Variants in NCSTN observed in about 807,000 individuals in gnomAD.
NCSTN encodes the protein anterior pharynx-defective 2.
In NCSTN, 22 loss-of-function variants were observed where a neutral mutation model predicts 87.0. The ratio of observed to expected loss-of-function variants is 0.25; its 90% CI spans 0.18 to 0.36. The LOEUF (loss-of-function observed/expected upper bound fraction) is 0.36, where lower values mean the gene tolerates loss of function less well. Among genes scored for constraint, NCSTN ranks in the 10% least tolerant of loss-of-function variants. The pLI, the probability that NCSTN is intolerant of heterozygous loss-of-function variation, is 1.00. For synonymous variants in NCSTN, 306 were observed against 327.1 expected, an observed-to-expected ratio of 0.94 and a Z score of 0.69; for missense variants, 693 against 883.3, an observed-to-expected ratio of 0.78 and a Z score of 2.73.
In NCSTN at chr1:160,351,361, G is replaced by T. The variant is rs1202988106; in HGVS notation, c.722G>T (p.Ser241Ile). The change falls in exon 6 of 17, where the codon AGC (serine) becomes ATC (isoleucine). Residue 241 changes from serine (S) to isoleucine (I), a missense_variant. This residue lies in a region of NCSTN where 134 missense variants were observed against 226.0 expected (regional missense o/e 0.59). Transcript: ENST00000294785. ...MRRSSIQSTF[S>I]INPEIVCDPL... ...CGCAGCTCCATCCAAAGCACCTTCA[G>T]CATCAACCCAGGTAGGGCAGATCCG... The T allele has an allele frequency of 3.7e-6, 6 of 1,614,198 alleles. No homozygotes were observed. Among genetic ancestry groups the T allele is most frequent in the Non-Finnish European group, 5.1e-6 (6 of 1,180,034 alleles).
chr1:160,358,065 C>T, intron 16 of NCSTN, 84 bp from the exon 17 acceptor site: 1 of 1,593,150 alleles, frequency 6.3e-7, no homozygotes, highest in Non-Finnish European at 8.6e-7. Context: ...ATTCCCATGG[C>T]TCCAAACCCC....
intron 1 of NCSTN, chr1:160,344,493 C>T (rs1387215971): frequency 6.5e-7 from 1 of 1,541,176 alleles, no homozygotes; most frequent in African/African-American, 1.4e-5. Flanking sequence ...GTCAATGGCG[C>T]TACATGGACT....
chr1:160,351,117 T>C, intron 5 of NCSTN, 105 bp from the exon 6 acceptor site: 2 of 1,159,444 alleles, frequency 1.7e-6, no homozygotes, highest in Non-Finnish European at 1.3e-6. Context: ...CCGAAAAGGG[T>C]GTGGCTCCAT....
At chr1:160,346,603 T>C (rs1648504262) in intron 2 of NCSTN, among the ~76,000 whole-genome samples, 1 of 151,922 alleles carries the variant, frequency 6.6e-6, no homozygotes, top group African/African-American at 2.4e-5. Context: ...TTGTTGTACT[T>C]AGTTTCTTTT....
At chr1:160,352,569 C>G (rs1189092757) in intron 8 of NCSTN, among the ~76,000 whole-genome samples, 1 of 152,224 alleles carries the variant, frequency 6.6e-6, no homozygotes, top group African/African-American at 2.4e-5. Context: ...AATAAGGGAA[C>G]AGCATCTGTG....
At chr1:160,346,796 G>A (rs993593765) in intron 2 of NCSTN, among the ~76,000 whole-genome samples, 12 of 151,960 alleles carry the variant, frequency 7.9e-5, no homozygotes, top group Non-Finnish European at 2.9e-5. Flanking sequence ...TAGTAGAGGC[G>A]GGGCTTCACC....
At chr1:160,343,966 T>TTTTTTC (rs1648286471) in intron 1 of NCSTN, 2 of 273,182 alleles carry the variant, frequency 7.3e-6, no homozygotes, top group Admixed American at 1.1e-4. Context: ...TTTTTTTTTT[T>TTTTTTC]TTTTTTTTTT....
At chr1:160,353,592 G>T in intron 10 of NCSTN, 1 of 1,213,684 alleles carries the variant, frequency 8.2e-7, no homozygotes, top group Non-Finnish European at 1.0e-6. Context: ...CACACTCGCT[G>T]CCCAACTTGT....
At chr1:160,346,734 T>G (rs1648512630) in intron 2 of NCSTN, among the ~76,000 whole-genome samples, 1 of 152,192 alleles carries the variant, frequency 6.6e-6, no homozygotes. Context: ...GCTTCTTGAA[T>G]AGCTGGGATT....
At position 160,351,126 on chromosome 1, in the gene NCSTN, A is replaced by C. The variant is rs2101901422; in HGVS notation, c.583-96A>C. ...ATGTCTCCGAAAAGGGTGTGGCTCCATCCCAAAAGGATGGAACTGGGCCCT... is the reference window on the plus strand; with the variant it reads ...ATGTCTCCGAAAAGGGTGTGGCTCCCTCCCAAAAGGATGGAACTGGGCCCT... On this transcript the variant is annotated intron_variant, in intron 5 of 16. Transcript: ENST00000294785. 5.3e-6 allele frequency: 7 copies of C among 1,315,416 alleles called. No homozygotes were observed. The South Asian group carries it at 7.2e-5, about 13-fold the overall frequency. The allele number at this position is 1,315,416 out of a possible 1,614,324, so 81.5% of individuals were successfully genotyped here.
At chr1:160,351,514 C>A (rs762654585) in intron 6 of NCSTN, 142 bp downstream of exon 6, 255 of 1,344,538 alleles carry the variant, frequency 1.9e-4, no homozygotes, top group Non-Finnish European at 2.4e-4. Flanking sequence ...AGAAACAATT[C>A]TGAAAAATTT....
Position 160,344,457 on chromosome 1 carries a change from C to T in NCSTN, c.86-265C>T. ...TAAGGTCAAACACCTTTCCTTTGAC[C>T]AAGTTTTCTCTCTTTTAGTGTCACT... On this transcript the variant is annotated intron_variant, in intron 1 of 16. Transcript: ENST00000294785. The T allele has an allele frequency of 4.7e-6, 7 of 1,489,522 alleles. No homozygotes were observed. In the South Asian group the frequency reaches 9.7e-5, roughly 21 times the overall value. 92.3% of individuals were successfully genotyped at this position (1,489,522 alleles called of 1,614,324 possible). A position where few individuals can be genotyped will look rare whatever the true frequency, so the allele number is the denominator to read the frequency against.
At position 160,357,142 on chromosome 1, in the gene NCSTN, T is replaced by G. The variant is rs373122108; in HGVS notation, c.1896T>G (p.Ser632=). The G allele has an allele frequency of 6.2e-7, 1 of 1,614,140 alleles. No homozygotes were observed. The highest frequency in any genetic ancestry group is 1.3e-5 in the African/African-American group (1 of 75,024). The change falls in exon 16 of 17, where the codon TCT becomes TCG. Residue 632 remains serine (S), a synonymous_variant. Coordinates refer to ENST00000294785, the MANE Select transcript of NCSTN (RefSeq NM_015331.3). The stretch of plus-strand genomic sequence containing the variant: ...CTGCACGATTAGCCAGGGCCTTGTC[T>G]CCTGCCTTTGAACTGAGTCAGTGGA... The part of the protein sequence containing the change: ...RSTARLARAL[S]PAFELSQWSS...
chr1:160,358,161 A>G lies in NCSTN; in HGVS notation c.2020A>G (p.Thr674Ala). The change falls in exon 17 of 17, where the codon ACA becomes GCA. Residue 674 changes from threonine (T) to alanine (A), a missense_variant. By Grantham distance (58) the Thr-to-Ala change is moderately conservative (BLOSUM62 0). This residue lies in a region of NCSTN where 216 missense variants were observed against 311.7 expected (regional missense o/e 0.69). Transcript: ENST00000294785. ...CCTCCCCCTGCAGTTGATCACCCTG[A>G]CAGTGGGCTTCGGCATCCTCATCTT... is the stretch of plus-strand genomic sequence containing the variant. ...ASKELELITL[T>A]VGFGILIFSL... The G allele has an allele frequency of 6.2e-7, 1 of 1,614,058 alleles. No homozygotes were observed. Among genetic ancestry groups the G allele is most frequent in the South Asian group, 1.1e-5 (1 of 91,074 alleles).
chr1:160,352,470 CCTTTTA>C (rs1648908732), intron 8 of NCSTN, among the ~76,000 whole-genome samples: 2 of 152,302 alleles, frequency 1.3e-5, no homozygotes, highest in South Asian at 2.1e-4. Context: ...TTGGAGGCGG[CCTTTTA>C]CTTTTATTCT....
intron 10 of NCSTN, 151 bp from the exon 11 acceptor site, chr1:160,353,967 G>A (rs1649003228): frequency 1.1e-6 from 1 of 903,502 alleles, no homozygotes; most frequent in Admixed American, 2.6e-5. Context: ...GAGAGCCTTG[G>A]TCCCAAAAGG....
chr1:160,352,724 T>C lies in NCSTN; in HGVS notation c.997-163T>C, dbSNP rs545936672. ...ATGAGGGATAGTCACAGCTGGGAGG[T>C]GGGGCCAAGAGAAGCCGAAAGTCAC... On this transcript the variant is annotated intron_variant, in intron 8 of 16. Transcript: ENST00000294785. Among the ~76,000 whole-genome samples the C allele has an allele frequency of 2.6e-5, 4 of 152,054 alleles. No individual in the cohort carries two copies. In the East Asian group the frequency reaches 7.7e-4, roughly 29 times the overall value.
At chr1:160,352,300 C>A in intron 8 of NCSTN, 94 bp downstream of exon 8, 1 of 1,504,172 alleles carries the variant, frequency 6.6e-7, no homozygotes, top group Non-Finnish European at 9.2e-7. Context: ...CAGCACTTGA[C>A]CTAAGTTGTT....
chr1:160,358,938 G>GTTTC lies in NCSTN; in HGVS notation c.*667_*668insTTTC, dbSNP rs1341720229. ...ATATATAATGAGTTTCATTAAAATA[G>GTTTC]ATTATCCCACACGACTTGTACTGCT... On this transcript the variant is annotated 3_prime_UTR_variant, in exon 17 of 17. Transcript: ENST00000294785. 1 of 152,474 alleles carries GTTTC rather than the reference G, an allele frequency of 6.6e-6. No individual in the cohort carries two copies. The highest frequency in any genetic ancestry group is 2.4e-5 in the African/African-American group (1 of 41,356). 9.4% of individuals were successfully genotyped at this position (152,474 alleles called of 1,614,324 possible). A position where few individuals can be genotyped will look rare whatever the true frequency, so the allele number is the denominator to read the frequency against.
Sources: gnomAD v4.1 joint callset for allele counts (sites outside exome capture counted in the v4.1 genomes callset) on GRCh38, gnomAD v4.1.1 for gene constraint, gnomAD v4.1.1 regional missense constraint, MANE v1.5 for transcripts, NCBI Gene and HGNC (gene_info 2026-07-23, HGNC 2026-07-21) for gene names.